Variants in DHRSX observed in about 807,000 individuals in gnomAD.
The protein encoded by DHRSX is polyprenol dehydrogenase.
DHRSX carries 31 observed loss-of-function variants against 34.0 expected under a neutral mutation model. The ratio of observed to expected loss-of-function variants is 0.91; its 90% CI spans 0.69 to 1.23. The LOEUF is 1.23. Among genes scored for constraint, DHRSX ranks in the 50% most tolerant of loss-of-function variants. The pLI is 0.00. For missense variants in DHRSX, 414 were observed against 428.1 expected (o/e 0.97, Z 0.29); for synonymous variants, 201 against 183.8 (o/e 1.09, Z -0.76).
intron 3 of DHRSX, among the ~76,000 whole-genome samples, chrX:2,321,288 G>A (rs999575140): frequency 1.3e-5 from 2 of 152,114 alleles, no homozygotes; most frequent in African/African-American, 2.4e-5. Flanking sequence ...ACAGGACATC[G>A]AATGTGTAAC....
At chrX:2,471,365 G>A (rs1242309407) in intron 1 of DHRSX, among the ~76,000 whole-genome samples, 2 of 152,084 alleles carry the variant, frequency 1.3e-5, no homozygotes, top group Admixed American at 6.5e-5. Flanking sequence ...TCACGAGTTC[G>A]AGAGCAGCCT....
At chrX:2,351,312 G>A (rs1430568465) in intron 3 of DHRSX, among the ~76,000 whole-genome samples, 2 of 152,180 alleles carry the variant, frequency 1.3e-5, no homozygotes, top group African/African-American at 4.8e-5. Flanking sequence ...TTCAAAATGA[G>A]ACTGGCCAAC....
chrX:2,346,585 A>C (rs1372846531), intron 3 of DHRSX, among the ~76,000 whole-genome samples: 1 of 151,956 alleles, frequency 6.6e-6, no homozygotes, highest in Non-Finnish European at 1.5e-5. Context: ...GTAAACTACA[A>C]GGTGACTCCC....
intron 3 of DHRSX, among the ~76,000 whole-genome samples, chrX:2,305,839 G>C (rs772331455): frequency 1.3e-5 from 2 of 151,690 alleles, no homozygotes; most frequent in South Asian, 4.2e-4. Context: ...GGGGCCTGTT[G>C]GGGGGTGGGG....
At chrX:2,245,963 A>G (rs1177082586) in intron 5 of DHRSX, among the ~76,000 whole-genome samples, 2 of 146,388 alleles carry the variant, frequency 1.4e-5, no homozygotes, top group African/African-American at 5.2e-5. Context: ...CTCCATCTCA[A>G]AAAAAACAAA....
At chrX:2,244,743 G>A (rs2016237916) in intron 5 of DHRSX, among the ~76,000 whole-genome samples, 1 of 151,350 alleles carries the variant, frequency 6.6e-6, no homozygotes, top group Non-Finnish European at 1.5e-5. Flanking sequence ...ACAGAGTCTT[G>A]CTCTGTCAAC....
intron 3 of DHRSX, among the ~76,000 whole-genome samples, chrX:2,330,806 A>G (rs2042462577): frequency 6.6e-6 from 1 of 152,018 alleles, no homozygotes; most frequent in Non-Finnish European, 1.5e-5. Flanking sequence ...GAGAGAATGA[A>G]GGAGAGAATA....
chrX:2,478,806 G>A (rs6641810), intron 1 of DHRSX, among the ~76,000 whole-genome samples: 58,903 of 150,184 alleles, frequency 0.39, 11,591 homozygotes, highest in South Asian at 0.46. Context: ...AATGTGGCCC[G>A]GGGACCACCA....
At chrX:2,413,241 T>C (rs2043653767) in intron 2 of DHRSX, among the ~76,000 whole-genome samples, 3 of 151,950 alleles carry the variant, frequency 2.0e-5, no homozygotes, top group Admixed American at 2.0e-4. Flanking sequence ...GATTACCAGG[T>C]GCTAGGGGGG....
At chrX:2,274,651 G>A (rs1007503575) in intron 4 of DHRSX, among the ~76,000 whole-genome samples, 2 of 145,340 alleles carry the variant, frequency 1.4e-5, no homozygotes, top group African/African-American at 2.6e-5. Context: ...GTCTGGTCTC[G>A]AACTCCTGAC....
At chrX:2,243,797 T>G (rs1445881864) in intron 5 of DHRSX, among the ~76,000 whole-genome samples, 1,702 of 67,092 alleles carry the variant, frequency 0.025, 142 homozygotes, top group African/African-American at 0.09. Flanking sequence ...TGTTTTTTTT[T>G]TTTTTTTTTT....
At chrX:2,318,379 A>G (rs1391056587) in intron 3 of DHRSX, among the ~76,000 whole-genome samples, 1 of 151,900 alleles carries the variant, frequency 6.6e-6, no homozygotes, top group Non-Finnish European at 1.5e-5. Flanking sequence ...CCTTCCAGCC[A>G]GATGAATGCA....
intron 1 of DHRSX, among the ~76,000 whole-genome samples, chrX:2,435,136 G>A (rs1424357691): frequency 1.3e-5 from 2 of 151,694 alleles, no homozygotes; most frequent in African/African-American, 4.8e-5. Flanking sequence ...GGTTCAGGAC[G>A]GGAGAGGAGG....
At chrX:2,361,850 G>C (rs1326723391) in intron 3 of DHRSX, among the ~76,000 whole-genome samples, 1 of 152,186 alleles carries the variant, frequency 6.6e-6, no homozygotes, top group East Asian at 1.9e-4. Context: ...TAATGAACAT[G>C]CTGGAGAGGT....
At chrX:2,242,835 T>C (rs1348362936) in intron 6 of DHRSX, among the ~76,000 whole-genome samples, 188 bp downstream of exon 6, 1 of 152,058 alleles carries the variant, frequency 6.6e-6, no homozygotes, top group Non-Finnish European at 1.5e-5. Flanking sequence ...GGATGCTTTG[T>C]CTGCGGAGGA....
chrX:2,460,422 A>G (rs1407859117), intron 1 of DHRSX, among the ~76,000 whole-genome samples: 2 of 152,004 alleles, frequency 1.3e-5, no homozygotes, highest in Non-Finnish European at 2.9e-5. Context: ...TATCTTTTTA[A>G]ATTTATTTTG....
chrX:2,425,275 T>C lies in DHRSX; in HGVS notation c.139A>G (p.Ile47Val), dbSNP rs2043829702. The change falls in exon 2 of 7, where the codon ATA becomes GTA. Residue 47 changes from isoleucine to valine, a missense_variant. Transcript: ENST00000334651. ...ATGCCATCTGTCCCTCCCGTCACTA[T>C]AGCGACACGGTCAGGTCGTGGGGGG... ...VFPPRPDRVA[I>V]VTGGTDGIGY... 2.5e-6 allele frequency: 4 copies of C among 1,613,920 alleles called. No homozygotes were observed. Among genetic ancestry groups the C allele is most frequent in the Non-Finnish European group, 2.5e-6 (3 of 1,179,844 alleles).
intron 1 of DHRSX, among the ~76,000 whole-genome samples, chrX:2,451,954 A>T (rs2044225159): frequency 6.6e-6 from 1 of 151,450 alleles, no homozygotes; most frequent in Non-Finnish European, 1.5e-5. Flanking sequence ...CACATTGAAG[A>T]CATTCCCTAA....
At chrX:2,296,030 T>C (rs1291314278) in intron 3 of DHRSX, among the ~76,000 whole-genome samples, 1 of 152,158 alleles carries the variant, frequency 6.6e-6, no homozygotes, top group Non-Finnish European at 1.5e-5. Context: ...TGTCACCTCC[T>C]TCAGGAAGTT....
Sources: allele counts gnomAD v4.1 joint callset (sites outside exome capture counted in the v4.1 genomes callset), GRCh38; gene constraint gnomAD v4.1.1; transcripts MANE v1.5; gene names NCBI Gene and HGNC (gene_info 2026-07-23, HGNC 2026-07-21).